The following MCPH1 variants were observed in gnomAD, a reference collection of about 807,000 sequenced individuals.
MCPH1 encodes microcephalin 1, also known as microcephalin.
MCPH1 carries 104 observed loss-of-function variants against 84.5 expected under a neutral mutation model. That is an observed-to-expected ratio of 1.23 (90% CI 1.05 to 1.45). The LOEUF (loss-of-function observed/expected upper bound fraction) is 1.45, where lower values mean the gene tolerates loss of function less well. Ranked by LOEUF, MCPH1 falls within the 40% of genes most tolerant of loss-of-function variation. The pLI, the probability that MCPH1 is intolerant of heterozygous loss-of-function variation, is 0.00. For synonymous variants in MCPH1, 514 were observed against 366.8 expected (o/e 1.40, Z -4.58); for missense variants, 1,498 against 1,005.7 (o/e 1.49, Z -6.62).
intron 12 of MCPH1, among the ~76,000 whole-genome samples, chr8:6,602,803 G>A (rs1044112084): frequency 4.0e-5 from 6 of 151,740 alleles, no homozygotes; most frequent in African/African-American, 9.7e-5. Context: ...CCCCACTCTC[G>A]GAAGCATATT....
At chr8:6,409,606 C>T (rs1350644333) in intron 2 of MCPH1, among the ~76,000 whole-genome samples, 2 of 152,072 alleles carry the variant, frequency 1.3e-5, no homozygotes, top group Admixed American at 6.5e-5. Context: ...TGGATTCTTA[C>T]ACTGGTTACT....
chr8:6,601,230 G>A (rs144677642), intron 12 of MCPH1, among the ~76,000 whole-genome samples: 1 of 152,296 alleles, frequency 6.6e-6, no homozygotes, highest in Non-Finnish European at 1.5e-5. Context: ...GCTCTCAGCT[G>A]TCTTTGCAGG....
At chr8:6,599,217 T>C (rs1829174330) in intron 12 of MCPH1, among the ~76,000 whole-genome samples, 1 of 152,176 alleles carries the variant, frequency 6.6e-6, no homozygotes, top group African/African-American at 2.4e-5. Context: ...AAGGAATGCC[T>C]TCCTCCGCGG....
intron 3 of MCPH1, among the ~76,000 whole-genome samples, chr8:6,421,566 T>C (rs528934315): frequency 6.6e-6 from 1 of 152,310 alleles, no homozygotes; most frequent in South Asian, 2.1e-4. Flanking sequence ...TTCAAATGTT[T>C]ACTATTTCAT....
chr8:6,566,312 G>C (rs527254504), intron 12 of MCPH1, among the ~76,000 whole-genome samples: 1 of 152,172 alleles, frequency 6.6e-6, no homozygotes, highest in Non-Finnish European at 1.5e-5. Context: ...GGGCAAGGCC[G>C]TCCACAGTGC....
At chr8:6,522,237 C>T (rs1381053103) in intron 12 of MCPH1, among the ~76,000 whole-genome samples, 3 of 152,070 alleles carry the variant, frequency 2.0e-5, no homozygotes, top group Non-Finnish European at 4.4e-5. Flanking sequence ...CGCCTGTAGT[C>T]ACAGCTACTC....
chr8:6,569,973 G>C (rs1478573955), intron 12 of MCPH1, among the ~76,000 whole-genome samples: 1 of 152,196 alleles, frequency 6.6e-6, no homozygotes, highest in African/African-American at 2.4e-5. Context: ...TACAAGTGCG[G>C]AAACCAGATC....
At chr8:6,486,104 C>T (rs985806532) in intron 11 of MCPH1, among the ~76,000 whole-genome samples, 3 of 152,038 alleles carry the variant, frequency 2.0e-5, no homozygotes, top group African/African-American at 7.2e-5. Flanking sequence ...ATTTACAAAG[C>T]CATTCTACAT....
At chr8:6,580,736 A>G (rs940306120) in intron 12 of MCPH1, among the ~76,000 whole-genome samples, 3 of 152,210 alleles carry the variant, frequency 2.0e-5, no homozygotes, top group African/African-American at 7.2e-5. Flanking sequence ...TAGAGGAGGA[A>G]AAAGACCCAG....
At chr8:6,559,147 C>G (rs1270895832) in intron 12 of MCPH1, among the ~76,000 whole-genome samples, 1 of 151,826 alleles carries the variant, frequency 6.6e-6, no homozygotes, top group East Asian at 1.9e-4. Context: ...GGATTTTTTT[C>G]TTTCCTCTAA....
Position 6,634,444 on chromosome 8 carries a change from G to A in MCPH1, c.2453-8550G>A, listed in dbSNP as rs1307339032. Among the ~76,000 whole-genome samples, 3 of 152,206 alleles carry A rather than the reference G, an allele frequency of 2.0e-5. 1 individual carries two copies. The highest frequency in any genetic ancestry group is 4.1e-4 in the South Asian group (2 of 4,834). ...CTGCCCCAGAAAGATGCTGACTACA[G>A]CTGACGGGACAGCCCCTACAGGAAT... On this transcript the variant is annotated intron_variant, in intron 13 of 13. Transcript: ENST00000344683.
At chr8:6,512,238 G>C (rs937359243) in intron 12 of MCPH1, among the ~76,000 whole-genome samples, 2 of 152,178 alleles carry the variant, frequency 1.3e-5, no homozygotes, top group African/African-American at 4.8e-5. Flanking sequence ...ACTGGGCATT[G>C]TAGAGTTTTC....
chr8:6,588,524 C>T (rs1385577951), intron 12 of MCPH1, among the ~76,000 whole-genome samples: 1 of 152,184 alleles, frequency 6.6e-6, no homozygotes, highest in Non-Finnish European at 1.5e-5. Context: ...AGACATCTCC[C>T]AGGGAGGCTG....
At chr8:6,552,098 C>T (rs953283042) in intron 12 of MCPH1, among the ~76,000 whole-genome samples, 1 of 152,182 alleles carries the variant, frequency 6.6e-6, no homozygotes, top group Admixed American at 6.5e-5. Context: ...AATGGTACCT[C>T]TAAGAAATTC....
intron 12 of MCPH1, chr8:6,527,645 T>G: frequency 6.2e-7 from 1 of 1,613,982 alleles, no homozygotes; most frequent in Non-Finnish European, 8.5e-7. Context: ...TTCCAAGAGC[T>G]GAAGTTCAAG....
At chr8:6,533,383 C>T (rs1356967149) in intron 12 of MCPH1, among the ~76,000 whole-genome samples, 3 of 152,120 alleles carry the variant, frequency 2.0e-5, no homozygotes, top group Non-Finnish European at 4.4e-5. Context: ...GGGCTTGGAG[C>T]CAGGGAAGCC....
rs1489172143 is a variant in MCPH1 at position 6,626,446 on chromosome 8, TG to T, written c.2452+4759del. On this transcript the variant is annotated intron_variant, in intron 13 of 13. Transcript: ENST00000344683. The stretch of plus-strand genomic sequence containing the variant: ...TGAATCATTCAACCAGAAGGAGAAA[TG>T]GGGTTGTTGTTTGGTTTTTTTGTTT... 1.0e-5 allele frequency: 10 copies of T among 982,430 alleles called. No homozygotes were observed. In the East Asian group the frequency reaches 1.2e-3, roughly 115 times the overall value. 60.9% of individuals were successfully genotyped at this position (982,430 alleles called of 1,614,324 possible).
intron 1 of MCPH1, 147 bp from the exon 2 acceptor site, chr8:6,409,132 C>A (rs1449230303): frequency 5.7e-6 from 4 of 704,142 alleles, no homozygotes; most frequent in Non-Finnish European, 1.0e-5. Flanking sequence ...TGGATCCACC[C>A]ACTTCCGCCT....
chr8:6,506,148 T>C (rs1465882816), intron 12 of MCPH1, among the ~76,000 whole-genome samples: 1 of 151,908 alleles, frequency 6.6e-6, no homozygotes, highest in Non-Finnish European at 1.5e-5. Context: ...TTCAGGTGAA[T>C]GCAGATTGGA....
Sources: gnomAD v4.1 joint callset for allele counts (sites outside exome capture counted in the v4.1 genomes callset) on GRCh38, gnomAD v4.1.1 for gene constraint, MANE v1.5 for transcripts, NCBI Gene and HGNC (gene_info 2026-07-23, HGNC 2026-07-21) for gene names.